CGAS: variants seen among roughly 807,000 people sequenced by gnomAD.
CGAS encodes cyclic GMP-AMP synthase, also known as 2'3'-cGAMP synthase.
CGAS carries 31 observed loss-of-function variants against 34.0 expected under a neutral mutation model. That is an observed-to-expected ratio of 0.91 (90% confidence interval 0.69 to 1.23). The LOEUF is 1.23. Among genes scored for constraint, CGAS ranks in the 50% most tolerant of loss-of-function variants. CGAS has a pLI of 0.00. For missense variants in CGAS, 597 were observed against 657.6 expected (o/e 0.91, Z 1.01); for synonymous variants, 266 against 260.0 (o/e 1.02, Z -0.22).
chr6:73,450,146 G>T (rs1027285798), intron 1 of CGAS, among the ~76,000 whole-genome samples: 1 of 151,958 alleles, frequency 6.6e-6, no homozygotes, highest in Non-Finnish European at 1.5e-5. Context: ...GCCGGGTGTG[G>T]TGGCTCACGC....
chr6:73,444,242 C>T (rs1562294116), intron 2 of CGAS, among the ~76,000 whole-genome samples: 1 of 152,126 alleles, frequency 6.6e-6, no homozygotes, highest in South Asian at 2.1e-4. Context: ...CCTACCTCAG[C>T]TTCCCAAAGT....
Position 73,432,343 on chromosome 6 carries a change from T to C in CGAS, c.1115-3532A>G, listed in dbSNP as rs562399290. On this transcript the variant is annotated intron_variant, in intron 3 of 4. Transcript: ENST00000370315. ...TGCCCGGCTAATTTTGTATTTTTAG[T>C]AGAGATGGGGTTTCACCATGTTGGC... 3.0e-3 allele frequency among the ~76,000 whole-genome samples: 463 copies of C among 152,040 alleles called. 6 individuals carry two copies. Among genetic ancestry groups the C allele is most frequent in the African/African-American group, 0.011 (450 of 41,482 alleles).
chr6:73,438,567 G>A (rs1454870433), intron 3 of CGAS, among the ~76,000 whole-genome samples: 1 of 151,892 alleles, frequency 6.6e-6, no homozygotes, highest in African/African-American at 2.4e-5. Context: ...GTGGTGGCAT[G>A]CGCCTGTAGT....
At chr6:73,432,982 G>A (rs181445392) in intron 3 of CGAS, among the ~76,000 whole-genome samples, 278 of 152,268 alleles carry the variant, frequency 1.8e-3, no homozygotes, top group Non-Finnish European at 3.5e-3. Flanking sequence ...TACTCAGGAG[G>A]CTGAGGCAGG....
At chr6:73,433,435 T>G (rs1770224983) in intron 3 of CGAS, among the ~76,000 whole-genome samples, 1 of 146,248 alleles carries the variant, frequency 6.8e-6, no homozygotes, top group South Asian at 2.2e-4. Flanking sequence ...TTTAAAAAGT[T>G]TTTATAGAGA....
Position 73,425,217 on chromosome 6 carries a change from A to C in CGAS, c.*10T>G. The C allele has an allele frequency of 6.5e-7, 1 of 1,539,698 alleles. No individual in the cohort carries two copies. The highest frequency in any genetic ancestry group is 8.8e-7 in the Non-Finnish European group (1 of 1,140,918). ...GACTCTAGTTCTTAGATCTTTCTAA[A>C]AATACAATCTCAAAATTCATCAAAA... On this transcript the variant is annotated 3_prime_UTR_variant, in exon 5 of 5. Transcript: ENST00000370315.
At chr6:73,429,279 T>C (rs770198515) in intron 3 of CGAS, among the ~76,000 whole-genome samples, 18 of 150,800 alleles carry the variant, frequency 1.2e-4, no homozygotes, top group Admixed American at 5.3e-4. Context: ...TAATTATGTA[T>C]AAAAATAAGT....
At chr6:73,428,484 GGTTCA>G in intron 4 of CGAS, among the ~76,000 whole-genome samples, 1 of 151,938 alleles carries the variant, frequency 6.6e-6, no homozygotes, top group Non-Finnish European at 1.5e-5. Flanking sequence ...TCTGATCCAG[GGTTCA>G]GAACTACTAT....
rs201017129 is a variant in CGAS, at chr6:73,446,429, G to GA, written c.658-683dup. ...TCCAATTGACCCAGCATTATTTATT[G>GA]AAAAAAAAAAATCGGGCCGGGCGCG... On this transcript the variant is annotated intron_variant, in intron 1 of 4. Coordinates refer to ENST00000370315, the MANE Select transcript of CGAS (RefSeq NM_138441.3). Among the ~76,000 whole-genome samples, 38 of 53,616 alleles carry GA rather than the reference G, an allele frequency of 7.1e-4. 7 individuals are homozygous for GA. Among genetic ancestry groups the GA allele is most frequent in the Middle Eastern group, 0.022 (2 of 92 alleles). 35.2% of individuals were successfully genotyped at this position (53,616 alleles called of 152,430 possible).
At chr6:73,439,004 C>T (rs891118456) in intron 3 of CGAS, among the ~76,000 whole-genome samples, 1 of 152,060 alleles carries the variant, frequency 6.6e-6, no homozygotes, top group African/African-American at 2.4e-5. Context: ...GAAAATGATT[C>T]CTCTATGTAT....
At chr6:73,448,141 C>T (rs1430036876) in intron 1 of CGAS, among the ~76,000 whole-genome samples, 1 of 152,192 alleles carries the variant, frequency 6.6e-6, no homozygotes, top group African/African-American at 2.4e-5. Context: ...CCTGTAATCC[C>T]AGTACTTTGG....
intron 3 of CGAS, among the ~76,000 whole-genome samples, chr6:73,437,025 C>T (rs1009655689): frequency 6.6e-6 from 1 of 152,122 alleles, no homozygotes; most frequent in Non-Finnish European, 1.5e-5. Flanking sequence ...GTGGCACACA[C>T]CTGTAATCCC....
At chr6:73,437,734 T>A (rs1234892020) in intron 3 of CGAS, among the ~76,000 whole-genome samples, 1 of 152,166 alleles carries the variant, frequency 6.6e-6, no homozygotes, top group African/African-American at 2.4e-5. Context: ...ACTAGTATTA[T>A]TTTGCAACAG....
At chr6:73,432,998 C>T (rs990509034) in intron 3 of CGAS, among the ~76,000 whole-genome samples, 2 of 152,030 alleles carry the variant, frequency 1.3e-5, no homozygotes, top group African/African-American at 2.4e-5. Flanking sequence ...GCAGGAGAAT[C>T]GCTTGAACCC....
intron 3 of CGAS, among the ~76,000 whole-genome samples, chr6:73,438,336 C>A (rs1454618194): frequency 6.6e-6 from 1 of 152,082 alleles, no homozygotes; most frequent in African/African-American, 2.4e-5. Flanking sequence ...TAACAGAAAG[C>A]AGAGGTGAAG....
intron 1 of CGAS, 97 bp downstream of exon 1, chr6:73,451,428 C>T (rs1770562803): frequency 7.5e-7 from 1 of 1,330,236 alleles, no homozygotes. Flanking sequence ...AAGTTACTTC[C>T]GAAGGGAAGT....
At chr6:73,440,835 G>A (rs983993821) in intron 2 of CGAS, among the ~76,000 whole-genome samples, 5 of 151,902 alleles carry the variant, frequency 3.3e-5, no homozygotes, top group African/African-American at 1.2e-4. Context: ...CCAGGAGGCG[G>A]AGGTTGCAGT....
At chr6:73,429,642 C>G (rs1251676472) in intron 3 of CGAS, among the ~76,000 whole-genome samples, 2 of 148,644 alleles carry the variant, frequency 1.3e-5, no homozygotes, top group African/African-American at 2.4e-5. Flanking sequence ...CTGGCTAACA[C>G]AGTGAAACCC....
chr6:73,433,813 A>T (rs946784970), intron 3 of CGAS, among the ~76,000 whole-genome samples: 1 of 152,024 alleles, frequency 6.6e-6, no homozygotes, highest in African/African-American at 2.4e-5. Flanking sequence ...GTTGTCCAAG[A>T]TGGTCTTGAA....
Sources: allele counts gnomAD v4.1 joint callset (sites outside exome capture counted in the v4.1 genomes callset), GRCh38; gene constraint gnomAD v4.1.1; transcripts MANE v1.5; gene names NCBI Gene and HGNC (gene_info 2026-07-23, HGNC 2026-07-21).